PLGRKT: variants seen among roughly 807,000 people sequenced by gnomAD.
PLGRKT encodes the protein plasminogen receptor (KT).
A neutral mutation model predicts 18.5 loss-of-function variants in PLGRKT; 22 were observed. The ratio of observed to expected loss-of-function variants is 1.19; its 90% CI spans 0.85 to 1.70. The LOEUF (loss-of-function observed/expected upper bound fraction) is 1.70, where lower values mean the gene tolerates loss of function less well. Among genes scored for constraint, PLGRKT ranks in the 40% most tolerant of loss-of-function variants. The probability of loss-of-function intolerance (pLI) is 0.00; values close to 1 mark genes in which losing one functional copy is unlikely to be tolerated. For missense variants in PLGRKT, 235 were observed against 174.4 expected (o/e 1.35, Z -1.96); for synonymous variants, 72 against 52.8 (o/e 1.36, Z -1.58).
intron 3 of PLGRKT, among the ~76,000 whole-genome samples, chr9:5,387,224 T>G (rs1459872978): frequency 6.6e-6 from 1 of 151,906 alleles, no homozygotes; most frequent in Non-Finnish European, 1.5e-5. Context: ...GAACTCTAGC[T>G]TTTACTCCGA....
At chr9:5,371,314 T>C (rs1421943130) in intron 3 of PLGRKT, among the ~76,000 whole-genome samples, 2 of 152,206 alleles carry the variant, frequency 1.3e-5, no homozygotes, top group African/African-American at 4.8e-5. Flanking sequence ...CTGATATGAT[T>C]TGGCTGTGTC....
intron 3 of PLGRKT, among the ~76,000 whole-genome samples, chr9:5,389,500 T>A (rs1463020263): frequency 1.3e-5 from 2 of 151,794 alleles, no homozygotes; most frequent in African/African-American, 4.9e-5. Flanking sequence ...TTTGAGGGGA[T>A]CATTAAAATA....
chr9:5,390,662 C>A (rs972262592), intron 3 of PLGRKT, among the ~76,000 whole-genome samples: 1 of 151,850 alleles, frequency 6.6e-6, no homozygotes, highest in African/African-American at 2.4e-5. Flanking sequence ...CTGATCTCAA[C>A]CATGGCATTC....
At chr9:5,415,785 T>C (rs1268838394) in intron 3 of PLGRKT, among the ~76,000 whole-genome samples, 2 of 151,996 alleles carry the variant, frequency 1.3e-5, no homozygotes, top group Non-Finnish European at 2.9e-5. Flanking sequence ...TTCTACTAAA[T>C]AAATGACCAG....
intron 3 of PLGRKT, among the ~76,000 whole-genome samples, chr9:5,373,525 C>T (rs1181239898): frequency 1.3e-5 from 2 of 152,148 alleles, no homozygotes; most frequent in Admixed American, 1.3e-4. Flanking sequence ...TTAGGCTGAG[C>T]ACAGTGGTTC....
chr9:5,407,375 T>C (rs1224325676), intron 3 of PLGRKT, among the ~76,000 whole-genome samples: 2 of 152,194 alleles, frequency 1.3e-5, no homozygotes, highest in Non-Finnish European at 1.5e-5. Context: ...TTTGTGTTTA[T>C]TGAACATAAT....
At chr9:5,394,093 T>G (rs971193677) in intron 3 of PLGRKT, among the ~76,000 whole-genome samples, 2 of 151,842 alleles carry the variant, frequency 1.3e-5, no homozygotes, top group Non-Finnish European at 2.9e-5. Context: ...CACATCCCTT[T>G]CCTAAGGAAC....
intron 3 of PLGRKT, among the ~76,000 whole-genome samples, chr9:5,406,421 A>G (rs1303566022): frequency 1.3e-5 from 2 of 152,244 alleles, no homozygotes; most frequent in Non-Finnish European, 2.9e-5. Flanking sequence ...ATGGAATACT[A>G]TGCAGCCATA....
At chr9:5,387,215 A>G (rs1817860867) in intron 3 of PLGRKT, among the ~76,000 whole-genome samples, 1 of 151,884 alleles carries the variant, frequency 6.6e-6, no homozygotes, top group Admixed American at 6.6e-5. Context: ...CCTTTGCCAG[A>G]ACTCTAGCTT....
chr9:5,399,473 A>G (rs1270105330), intron 3 of PLGRKT, among the ~76,000 whole-genome samples: 1 of 151,636 alleles, frequency 6.6e-6, no homozygotes. Context: ...AGAGTTGTGC[A>G]TTTTTAGATT....
intron 3 of PLGRKT, among the ~76,000 whole-genome samples, chr9:5,367,039 AC>A (rs1362278111): frequency 3.4e-5 from 5 of 145,790 alleles, no homozygotes; most frequent in Admixed American, 6.8e-5. Flanking sequence ...ATACACACAC[AC>A]ACACACACAC....
chr9:5,404,156 C>G (rs1338151769), intron 3 of PLGRKT, among the ~76,000 whole-genome samples: 4 of 152,088 alleles, frequency 2.6e-5, no homozygotes, highest in Non-Finnish European at 5.9e-5. Flanking sequence ...CAAAAACAGC[C>G]CAGATCCTGA....
intron 3 of PLGRKT, among the ~76,000 whole-genome samples, chr9:5,379,806 G>A (rs949548956): frequency 3.3e-5 from 5 of 152,250 alleles, no homozygotes; most frequent in African/African-American, 4.8e-5. Flanking sequence ...CTATTTTTGG[G>A]AAAGCAGAAG....
rs372127578 is a variant in PLGRKT at position 5,419,435 on chromosome 9, G to C, written c.81+12462C>G. 1.3e-3 allele frequency among the ~76,000 whole-genome samples: 198 copies of C among 152,324 alleles called. 1 individual carries two copies. Among genetic ancestry groups the C allele is most frequent in the Middle Eastern group, 6.8e-3 (2 of 294 alleles). ...TTTCTCCGTGGCGTGTTCAGGTGCT[G>C]GCTACAGAGGCCACGGACGCTACAG... On this transcript the variant is annotated intron_variant, in intron 3 of 5. Transcript: ENST00000223864.
intron 5 of PLGRKT, 89 bp from the exon 6 acceptor site, chr9:5,358,449 C>CATACGGTGT: frequency 8.8e-7 from 1 of 1,135,420 alleles, no homozygotes; most frequent in Non-Finnish European, 1.3e-6. Context: ...TTGACAGGCT[C>CATACGGTGT]TAACACCGTA....
chr9:5,423,753 G>T (rs542739195), intron 3 of PLGRKT, among the ~76,000 whole-genome samples: 1 of 150,232 alleles, frequency 6.7e-6, no homozygotes, highest in South Asian at 2.1e-4. Flanking sequence ...CCAGGTTGTA[G>T]TGTAGTGGCA....
intron 3 of PLGRKT, among the ~76,000 whole-genome samples, chr9:5,414,013 T>A (rs1366323384): frequency 1.3e-5 from 2 of 152,196 alleles, no homozygotes; most frequent in Admixed American, 1.3e-4. Context: ...AGCTATTAAC[T>A]GTACCAAATC....
intron 3 of PLGRKT, among the ~76,000 whole-genome samples, chr9:5,430,830 G>A (rs1818808190): frequency 6.6e-6 from 1 of 152,202 alleles, no homozygotes; most frequent in Admixed American, 6.5e-5. Flanking sequence ...AAACTTTTAA[G>A]ACTTGATTTT....
intron 3 of PLGRKT, among the ~76,000 whole-genome samples, chr9:5,415,235 G>A (rs1326963405): frequency 6.6e-6 from 1 of 152,184 alleles, no homozygotes; most frequent in Admixed American, 6.5e-5. Context: ...CAAAGTCAAG[G>A]CTGAAACAAT....
Sources: gnomAD v4.1 joint callset for allele counts (sites outside exome capture counted in the v4.1 genomes callset) on GRCh38, gnomAD v4.1.1 for gene constraint, MANE v1.5 for transcripts, NCBI Gene and HGNC (gene_info 2026-07-23, HGNC 2026-07-21) for gene names.